ZNF644: variants seen among roughly 807,000 people sequenced by gnomAD.
The protein encoded by ZNF644 is zinc finger protein 644.
Under a neutral mutation model 108.0 loss-of-function variants are expected in ZNF644, and 20 were observed. That is an observed-to-expected ratio of 0.19 (90% CI 0.13 to 0.27). The LOEUF (loss-of-function observed/expected upper bound fraction) is 0.27. ZNF644 is among the 10% of genes least tolerant of loss of function. ZNF644 has a pLI of 1.00. For synonymous variants in ZNF644, 542 were observed against 539.1 expected (o/e 1.01, Z -0.08); for missense variants, 1,338 against 1,548.9 (o/e 0.86, Z 2.29).
rs146105427 is a variant in ZNF644 at position 90,939,135 on chromosome 1, T to C, written c.2219A>G (p.Tyr740Cys). The change falls in exon 3 of 6, where the codon TAT (tyrosine) becomes TGT (cysteine). Residue 740 changes from tyrosine (Y) to cysteine (C), a missense_variant. Transcript: ENST00000337393. ...SNAKANSHYLYRHKYENYRMI... is the reference protein window; with the variant it reads ...SNAKANSHYLCRHKYENYRMI... Reference sequence around the variant, plus strand: ...CCTATAGTTTTCATATTTGTGTCTATACAAATAGTGGCTATTTGCCTTGGC... The same window carrying C: ...CCTATAGTTTTCATATTTGTGTCTACACAAATAGTGGCTATTTGCCTTGGC... 1.0e-4 allele frequency: 166 copies of C among 1,613,880 alleles called. 1 individual carries two copies. The highest frequency in any genetic ancestry group is 4.9e-4 in the Middle Eastern group (3 of 6,062).
At chr1:91,008,527 A>G (rs1281410127) in intron 1 of ZNF644, among the ~76,000 whole-genome samples, 3 of 152,240 alleles carry the variant, frequency 2.0e-5, no homozygotes, top group African/African-American at 7.2e-5. Context: ...CAGCGTTTTC[A>G]GAAAAGCTTC....
chr1:90,926,017 TTTCC>T (rs1346498105), intron 4 of ZNF644, among the ~76,000 whole-genome samples: 2 of 151,984 alleles, frequency 1.3e-5, no homozygotes, highest in Non-Finnish European at 2.9e-5. Context: ...ACCATAAAAC[TTTCC>T]TTCCTAAGAG....
At chr1:90,954,452 G>C (rs1420076213) in intron 2 of ZNF644, among the ~76,000 whole-genome samples, 1 of 151,800 alleles carries the variant, frequency 6.6e-6, no homozygotes. Context: ...TGTTGCCCAG[G>C]ATGGAGTGCA....
At chr1:91,000,887 C>T (rs578172567) in intron 1 of ZNF644, among the ~76,000 whole-genome samples, 7 of 152,030 alleles carry the variant, frequency 4.6e-5, no homozygotes, top group Non-Finnish European at 5.9e-5. Flanking sequence ...CAAACTACCA[C>T]CAGAGAATAC....
At chr1:90,937,360 TA>T (rs76869597) in intron 4 of ZNF644, 124 bp downstream of exon 4, 42,867 of 1,038,906 alleles carry the variant, frequency 0.041, no homozygotes, top group East Asian at 0.044. Context: ...CTGTGCTCTG[TA>T]AAAAAAAAAA....
chr1:90,917,043 T>G lies in ZNF644; in HGVS notation c.3792-53A>C, dbSNP rs1022522491. 8 of 1,564,660 alleles carry G rather than the reference T, an allele frequency of 5.1e-6. No individual in the cohort carries two copies. The African/African-American group carries it at 5.4e-5, about 11-fold the overall frequency. Reference sequence around the variant, plus strand: ...ATGACCAATTCTCTTTCTTTAAAACTAATTCACACAAAATCCTAAAACATA... The same window carrying G: ...ATGACCAATTCTCTTTCTTTAAAACGAATTCACACAAAATCCTAAAACATA... On this transcript the variant is annotated intron_variant, in intron 5 of 5. Transcript: ENST00000337393.
intron 2 of ZNF644, among the ~76,000 whole-genome samples, chr1:90,962,170 T>C (rs1272448275): frequency 6.6e-6 from 1 of 152,110 alleles, no homozygotes; most frequent in Non-Finnish European, 1.5e-5. Context: ...CAATTTTATA[T>C]AACTGATATG....
intron 2 of ZNF644, among the ~76,000 whole-genome samples, chr1:90,943,058 A>G (rs2100986051): frequency 6.6e-6 from 1 of 152,286 alleles, no homozygotes; most frequent in Admixed American, 6.5e-5. Context: ...AGAAATCAAA[A>G]CATGTTCAAT....
At chr1:91,015,232 T>G (rs1244103887) in intron 1 of ZNF644, among the ~76,000 whole-genome samples, 2 of 152,104 alleles carry the variant, frequency 1.3e-5, no homozygotes, top group Admixed American at 1.3e-4. Flanking sequence ...TAGGAGGAGG[T>G]TGGTGGTAGA....
Position 90,939,019 on chromosome 1 carries a change from T to C in ZNF644, c.2335A>G (p.Ser779Gly), listed in dbSNP as rs141560577. ...LNSLHLFSSS[S>G]NSHNNFISDP... ...GAAATAAAATTGTTGTGAGAATTAC[T>C]TGATGATGAAAACAGGTGTAAAGAA... Residue 779 changes from serine (S) to glycine (G), a missense_variant, in exon 3 of 6, where the codon AGT becomes GGT. By Grantham distance (56) the Ser-to-Gly change is moderately conservative. Transcript: ENST00000337393. 5.0e-5 allele frequency: 80 copies of C among 1,614,066 alleles called. No individual in the cohort carries two copies. The African/African-American group carries it at 7.7e-4, about 16-fold the overall frequency.
intron 4 of ZNF644, 138 bp downstream of exon 4, chr1:90,937,347 A>T: frequency 8.5e-7 from 1 of 1,177,114 alleles, no homozygotes; most frequent in Non-Finnish European, 1.2e-6. Flanking sequence ...TAGAATAACC[A>T]ATCTGTGCTC....
chr1:90,939,624 A>T lies in ZNF644; in HGVS notation c.1730T>A (p.Val577Glu). Residue 577 changes from valine to glutamate, a missense_variant, in exon 3 of 6, where the codon GTA becomes GAA. This residue lies in a region of ZNF644 where 462 missense variants were observed against 472.6 expected (regional missense o/e 0.98). Coordinates refer to ENST00000337393, the MANE Select transcript of ZNF644 (RefSeq NM_201269.3). ...GGTAGCTGATTTTTTGGATGATCCT[A>T]CTACAGAGTCTTTCATGAAAGTCTT... ...QKKTFMKDSV[V>E]GSSKKSATYI... The T allele has an allele frequency of 6.2e-7, 1 of 1,614,062 alleles. No homozygotes were observed. Among genetic ancestry groups the T allele is most frequent in the Non-Finnish European group, 8.5e-7 (1 of 1,179,940 alleles).
chr1:90,940,658 C>T lies in ZNF644; in HGVS notation c.696G>A (p.Leu232=). ...VEVGEDGEDL[L]VKDDCVNTVT... ...CTGTATTGACACAATCATCTTTCAC[C>T]AATAAATCTTCACCATCCTCACCCA... Residue 232 remains leucine, a synonymous_variant, in exon 3 of 6, where the codon TTG becomes TTA. Transcript: ENST00000337393. 1 of 1,613,968 alleles carries T rather than the reference C, an allele frequency of 6.2e-7. No homozygotes were observed. The highest frequency in any genetic ancestry group is 8.5e-7 in the Non-Finnish European group (1 of 1,179,948).
At chr1:90,998,696 A>G (rs1463737327) in intron 1 of ZNF644, among the ~76,000 whole-genome samples, 1 of 152,262 alleles carries the variant, frequency 6.6e-6, no homozygotes, top group East Asian at 1.9e-4. Context: ...AAAGCTGGAC[A>G]GAGAATGACT....
intron 1 of ZNF644, among the ~76,000 whole-genome samples, chr1:91,018,596 C>T (rs1464853825): frequency 6.6e-6 from 1 of 152,160 alleles, no homozygotes; most frequent in Non-Finnish European, 1.5e-5. Context: ...CTCAACATGC[C>T]AATTTCTCCA....
At chr1:91,006,937 G>A (rs1273981280) in intron 1 of ZNF644, among the ~76,000 whole-genome samples, 1 of 152,044 alleles carries the variant, frequency 6.6e-6, no homozygotes, top group African/African-American at 2.4e-5. Context: ...AGCTTGGTAA[G>A]GTATAGAATG....
intron 1 of ZNF644, among the ~76,000 whole-genome samples, chr1:91,009,810 T>C (rs1438535160): frequency 6.6e-6 from 1 of 152,188 alleles, no homozygotes; most frequent in Non-Finnish European, 1.5e-5. Context: ...ATACCTCAAT[T>C]AGTGCTAGTA....
chr1:90,979,433 A>G (rs948133015), intron 2 of ZNF644, among the ~76,000 whole-genome samples: 5 of 152,320 alleles, frequency 3.3e-5, no homozygotes, highest in Admixed American at 3.3e-4. Flanking sequence ...AGACTGTGCC[A>G]TTGCATTCCC....
intron 1 of ZNF644, 62 bp downstream of exon 1, chr1:91,021,928 C>A: frequency 5.0e-6 from 2 of 399,284 alleles, no homozygotes; most frequent in East Asian, 7.1e-5. Context: ...GCTGCCACAG[C>A]CCAGAGGCCC....
Sources: gnomAD v4.1 joint callset for allele counts (sites outside exome capture counted in the v4.1 genomes callset) on GRCh38, gnomAD v4.1.1 for gene constraint, gnomAD v4.1.1 regional missense constraint, MANE v1.5 for transcripts, NCBI Gene and HGNC (gene_info 2026-07-23, HGNC 2026-07-21) for gene names.